The following COL5A2 variants were observed in gnomAD, a reference collection of about 807,000 sequenced individuals.
COL5A2 encodes collagen alpha-2(V) chain.
Under a neutral mutation model 208.2 loss-of-function variants are expected in COL5A2, and 23 were observed. That is an observed-to-expected ratio of 0.11 (90% CI 0.08 to 0.16). The LOEUF is 0.16. Among genes scored for constraint, COL5A2 ranks in the 10% least tolerant of loss-of-function variants. The pLI, the probability that COL5A2 is intolerant of heterozygous loss-of-function variation, is 1.00. For missense variants in COL5A2, 1,590 were observed against 1,956.4 expected (o/e 0.81, Z 3.53); for synonymous variants, 625 against 628.5 (o/e 0.99, Z 0.08).
At chr2:189,351,203 C>G in the COL5A2 span, among the ~76,000 whole-genome samples, 1 of 152,200 alleles carries the variant, frequency 6.6e-6, no homozygotes, top group Admixed American at 6.5e-5. Flanking sequence ...AAAACAGACG[C>G]TATTTCAAAT....
the COL5A2 span, among the ~76,000 whole-genome samples, chr2:189,437,278 T>C: frequency 6.6e-6 from 1 of 152,168 alleles, no homozygotes; most frequent in African/African-American, 2.4e-5. Flanking sequence ...AGAGCTGCCA[T>C]TAGATTATTT....
rs770409954 is a variant in COL5A2 at position 189,051,487 on chromosome 2, A to G, written c.2770-6T>C. 1.9e-5 allele frequency: 30 copies of G among 1,597,244 alleles called. No individual in the cohort carries two copies. In the Admixed American group the frequency reaches 2.7e-4, roughly 14 times the overall value. On this transcript the variant is annotated splice_polypyrimidine_tract_variant and splice_region_variant and intron_variant, in intron 41 of 53. Transcript: ENST00000374866. ...CCCGCAGGTCCTGGAGCTCCCTAGT[A>G]TAACAAAGAAAGAAACACCAAGGAG...
intron 2 of COL5A2, among the ~76,000 whole-genome samples, chr2:189,108,353 T>C (rs1559107785): frequency 1.3e-5 from 2 of 151,894 alleles, no homozygotes; most frequent in Non-Finnish European, 3.0e-5. Flanking sequence ...GTAGCTTTTA[T>C]ATTTGAAGGA....
chr2:189,085,614 T>C (rs1686640685), intron 10 of COL5A2, 105 bp downstream of exon 10: 1 of 944,624 alleles, frequency 1.1e-6, no homozygotes, highest in South Asian at 1.4e-5. Flanking sequence ...TTGTTATTTC[T>C]TCCTACATTA....
At chr2:189,069,533 T>G (rs1403232384) in intron 18 of COL5A2, among the ~76,000 whole-genome samples, 1 of 152,156 alleles carries the variant, frequency 6.6e-6, no homozygotes. Flanking sequence ...CTGTTCAATG[T>G]AAAGCTAGAT....
At chr2:189,243,567 T>A in the COL5A2 span, among the ~76,000 whole-genome samples, 1 of 152,058 alleles carries the variant, frequency 6.6e-6, no homozygotes, top group Non-Finnish European at 1.5e-5. Flanking sequence ...TCCCACTGGG[T>A]CCCTCATACA....
At chr2:189,190,842 C>T (rs532202577) in intron 1 of COL5A2, among the ~76,000 whole-genome samples, 2 of 152,256 alleles carry the variant, frequency 1.3e-5, no homozygotes, top group African/African-American at 4.8e-5. Flanking sequence ...ATGTAATGCA[C>T]ATTTGTTAGA....
At chr2:189,222,043 G>A (rs1247794788) in intron 1 of COL5A2, among the ~76,000 whole-genome samples, 1 of 151,892 alleles carries the variant, frequency 6.6e-6, no homozygotes, top group Non-Finnish European at 1.5e-5. Context: ...AAAATTATAG[G>A]GCATTACTAG....
chr2:189,360,661 TGCA>T, the COL5A2 span, among the ~76,000 whole-genome samples: 5,531 of 152,234 alleles, frequency 0.036, 115 homozygotes, highest in Admixed American at 0.05. Flanking sequence ...GTGCAAGATG[TGCA>T]GGTTTGTTAC....
chr2:189,303,819 T>A, the COL5A2 span, among the ~76,000 whole-genome samples: 1 of 152,204 alleles, frequency 6.6e-6, no homozygotes, highest in Non-Finnish European at 1.5e-5. Context: ...CACTTTACCT[T>A]TTTTGTCCAC....
chr2:189,276,158 C>T, the COL5A2 span, among the ~76,000 whole-genome samples: 1 of 152,208 alleles, frequency 6.6e-6, no homozygotes, highest in African/African-American at 2.4e-5. Context: ...ATCAGTTACA[C>T]AACAAAGCTG....
intron 30 of COL5A2, among the ~76,000 whole-genome samples, chr2:189,061,159 TTAAA>T (rs1233741460): frequency 6.6e-6 from 1 of 152,102 alleles, no homozygotes; most frequent in African/African-American, 2.4e-5. Flanking sequence ...CTTCCTCCTA[TTAAA>T]TAATGTACAT....
chr2:189,305,337 G>A, the COL5A2 span, among the ~76,000 whole-genome samples: 1 of 152,190 alleles, frequency 6.6e-6, no homozygotes, highest in Non-Finnish European at 1.5e-5. Flanking sequence ...CGCCAATGCA[G>A]GAGTATTAAC....
intron 1 of COL5A2, among the ~76,000 whole-genome samples, chr2:189,169,967 TCGG>T (rs1688541650): frequency 6.6e-6 from 1 of 152,208 alleles, no homozygotes; most frequent in Non-Finnish European, 1.5e-5. Context: ...TCTACCCAGC[TCGG>T]CCTCTGAAAG....
chr2:189,138,876 C>A (rs1401054678), intron 1 of COL5A2, among the ~76,000 whole-genome samples: 10 of 152,104 alleles, frequency 6.6e-5, no homozygotes, highest in Non-Finnish European at 1.3e-4. Context: ...ATCTATGAGT[C>A]CATACCGATG....
chr2:189,169,971 C>A (rs1462550283), intron 1 of COL5A2, among the ~76,000 whole-genome samples: 1 of 152,186 alleles, frequency 6.6e-6, no homozygotes, highest in Non-Finnish European at 1.5e-5. Flanking sequence ...CCCAGCTCGG[C>A]CTCTGAAAGT....
At chr2:189,034,317 T>C (rs1001735049) in intron 53 of COL5A2, 101 bp from the exon 54 acceptor site, 2 of 1,208,930 alleles carry the variant, frequency 1.7e-6, no homozygotes, top group Non-Finnish European at 2.4e-6. Context: ...AAGGCAATGA[T>C]TTTTAGAGTA....
chr2:189,344,776 T>G, the COL5A2 span, among the ~76,000 whole-genome samples: 1 of 152,138 alleles, frequency 6.6e-6, no homozygotes, highest in East Asian at 1.9e-4. Context: ...AGGAATGTAG[T>G]TGGGGCTGGC....
At chr2:189,195,433 T>G (rs528862485) in intron 1 of COL5A2, among the ~76,000 whole-genome samples, 99 of 152,266 alleles carry the variant, frequency 6.5e-4, no homozygotes, top group African/African-American at 2.3e-3. Context: ...AAACTACGAT[T>G]GACATTCTTC....
Sources: allele counts gnomAD v4.1 joint callset (sites outside exome capture counted in the v4.1 genomes callset), GRCh38; gene constraint gnomAD v4.1.1; transcripts MANE v1.5; gene names NCBI Gene and HGNC (gene_info 2026-07-23, HGNC 2026-07-21).